Variants in CCDC150 observed in about 807,000 individuals in gnomAD.
The protein encoded by CCDC150 is coiled-coil domain containing 150, also known as coiled-coil domain-containing protein 150.
CCDC150 carries 151 observed loss-of-function variants against 156.5 expected under a neutral mutation model. That is an observed-to-expected ratio of 0.97 (90% confidence interval 0.85 to 1.10). The LOEUF (loss-of-function observed/expected upper bound fraction) is 1.10, where lower values mean the gene tolerates loss of function less well. Ranked by LOEUF, CCDC150 falls within the 50% of genes least tolerant of loss-of-function variation. CCDC150 has a pLI of 0.00. For missense variants in CCDC150, 1,312 were observed against 1,268.1 expected (o/e 1.03, Z -0.53); for synonymous variants, 452 against 429.4 (o/e 1.05, Z -0.65).
At position 196,726,356 on chromosome 2, in the gene CCDC150, G is replaced by C. The variant is rs972678949; in HGVS notation, c.2556+257G>C. 2.8e-5 allele frequency: 9 copies of C among 323,410 alleles called. No individual in the cohort carries two copies. The Admixed American group carries it at 3.1e-4, about 11-fold the overall frequency. 20.0% of individuals were successfully genotyped at this position (323,410 alleles called of 1,614,324 possible). On this transcript the variant is annotated intron_variant, in intron 22 of 27. Transcript: ENST00000389175. ...TAAGCAAGAGGGATAGAGGAATAAG[G>C]AGACTGCCATTTGATAGACAGAAGA... is the stretch of plus-strand genomic sequence containing the variant.
At chr2:196,653,968 G>A (rs1364423815) in intron 2 of CCDC150, among the ~76,000 whole-genome samples, 1 of 152,214 alleles carries the variant, frequency 6.6e-6, no homozygotes, top group Non-Finnish European at 1.5e-5. Context: ...GGCAAAGGGG[G>A]AGCAGGTGAA....
chr2:196,640,079 C>T (rs965550176), intron 1 of CCDC150, among the ~76,000 whole-genome samples: 4 of 152,170 alleles, frequency 2.6e-5, no homozygotes, highest in Non-Finnish European at 5.9e-5. Flanking sequence ...TAATAGGTTC[C>T]TGGGAAGGCT....
Position 196,712,686 on chromosome 2 carries a change from G to C in CCDC150, c.1813G>C (p.Glu605Gln). Residue 605 changes from glutamate to glutamine, a missense_variant, in exon 17 of 28, where the codon GAA becomes CAA. By Grantham distance (29) the Glu-to-Gln change is conservative. Transcript: ENST00000389175. The part of the protein sequence containing the change: ...LQTKYAQANS[E>Q]LSAKRVHLQQ... ...GTTTTTTGAATTAAAGGCAAACTCA[G>C]AACTCAGTGCCAAGAGGGTACACCT... 6.2e-7 allele frequency: 1 copy of C among 1,609,978 alleles called. No individual in the cohort carries two copies. The highest frequency in any genetic ancestry group is 8.5e-7 in the Non-Finnish European group (1 of 1,178,014).
intron 21 of CCDC150, among the ~76,000 whole-genome samples, chr2:196,722,173 T>G (rs767245789): frequency 6.6e-6 from 1 of 152,226 alleles, no homozygotes; most frequent in Non-Finnish European, 1.5e-5. Flanking sequence ...TGACTAAAGT[T>G]TTGCCTTAAA....
chr2:196,640,473 A>G (rs1278719620), intron 1 of CCDC150, among the ~76,000 whole-genome samples: 1 of 152,194 alleles, frequency 6.6e-6, no homozygotes, highest in Non-Finnish European at 1.5e-5. Flanking sequence ...TGAGCTCTTC[A>G]GAAATTAGTC....
intron 10 of CCDC150, 89 bp from the exon 11 acceptor site, chr2:196,676,054 G>T (rs1053471651): frequency 7.2e-6 from 9 of 1,254,580 alleles, no homozygotes; most frequent in Admixed American, 6.3e-5. Context: ...TTTTAAGTTA[G>T]TTCAGTGTTT....
At chr2:196,711,137 C>CTA (rs978403853) in intron 15 of CCDC150, among the ~76,000 whole-genome samples, 2 of 152,110 alleles carry the variant, frequency 1.3e-5, no homozygotes, top group Non-Finnish European at 2.9e-5. Flanking sequence ...TCTTGTTGAA[C>CTA]TATAGCATAT....
chr2:196,665,324 C>T (rs1178699263), intron 5 of CCDC150, among the ~76,000 whole-genome samples: 1 of 152,042 alleles, frequency 6.6e-6, no homozygotes, highest in Non-Finnish European at 1.5e-5. Context: ...TGGATTTTGA[C>T]CTCCAGTTTA....
chr2:196,729,356 C>T lies in CCDC150; in HGVS notation c.2720C>T (p.Ala907Val), dbSNP rs1158478062. Reference sequence around the variant, plus strand: ...ATTAAGCTCCACTTGTCAGCTAAGGCGAATAATGCTCAGAATATAGAAAGG... The same window carrying T: ...ATTAAGCTCCACTTGTCAGCTAAGGTGAATAATGCTCAGAATATAGAAAGG... ...TQIKLHLSAK[A>V]NNAQNIERMK... Residue 907 changes from alanine (A) to valine (V), a missense_variant, in exon 23 of 28, where the codon GCG becomes GTG. Ala to Val is a moderately conservative substitution (Grantham distance 64, BLOSUM62 0). Transcript: ENST00000389175. 8.1e-6 allele frequency: 13 copies of T among 1,613,690 alleles called. No homozygotes were observed. Among genetic ancestry groups the T allele is most frequent in the Admixed American group, 3.3e-5 (2 of 60,000 alleles).
intron 17 of CCDC150, among the ~76,000 whole-genome samples, 194 bp downstream of exon 17, chr2:196,712,933 CTCATA>C (rs1436181066): frequency 6.6e-5 from 10 of 152,178 alleles, no homozygotes; most frequent in African/African-American, 2.4e-4. Flanking sequence ...AAATTTAGCA[CTCATA>C]TCATTAGGTT....
intron 2 of CCDC150, among the ~76,000 whole-genome samples, chr2:196,648,693 A>C (rs1692688331): frequency 6.6e-6 from 1 of 152,124 alleles, no homozygotes; most frequent in South Asian, 2.1e-4. Context: ...TGGGAGTCAT[A>C]TCCAAGAAAT....
At chr2:196,732,366 CAT>C (rs1323352479) in intron 27 of CCDC150, 78 bp from the exon 28 acceptor site, 11 of 1,175,904 alleles carry the variant, frequency 9.4e-6, no homozygotes, top group East Asian at 2.3e-5. Context: ...GAATAGATGA[CAT>C]GTGTAGAGGC....
intron 17 of CCDC150, among the ~76,000 whole-genome samples, chr2:196,716,846 C>CTTTTT (rs775962426): frequency 9.4e-5 from 7 of 74,368 alleles, no homozygotes; most frequent in African/African-American, 1.1e-4. Context: ...AAATAACATT[C>CTTTTT]TTTTTTTTTT....
At chr2:196,664,231 A>G (rs567391058) in intron 5 of CCDC150, among the ~76,000 whole-genome samples, 9 of 152,294 alleles carry the variant, frequency 5.9e-5, no homozygotes, top group Non-Finnish European at 1.2e-4. Flanking sequence ...CACTGACACT[A>G]TCTACCTGAA....
chr2:196,686,846 T>A (rs887187584), intron 13 of CCDC150, among the ~76,000 whole-genome samples: 1 of 152,166 alleles, frequency 6.6e-6, no homozygotes, highest in Non-Finnish European at 1.5e-5. Context: ...CTCCCACTTA[T>A]AAGAGAACAT....
In CCDC150 at chr2:196,730,844, G is replaced by A. The variant is rs1441643719; in HGVS notation, c.2983-15G>A. The A allele has an allele frequency of 1.3e-6, 2 of 1,566,486 alleles. No individual in the cohort carries two copies. The highest frequency in any genetic ancestry group is 2.3e-5 in the East Asian group (1 of 43,166). ...ATGTTGGAAGTTTATAAAAATCTTT[G>A]TATCACATTTTCAGGAATTGGAAGA... On this transcript the variant is annotated splice_polypyrimidine_tract_variant and intron_variant, in intron 25 of 27. Transcript: ENST00000389175.
At chr2:196,698,238 G>T (rs1695949695) in intron 14 of CCDC150, among the ~76,000 whole-genome samples, 2 of 152,026 alleles carry the variant, frequency 1.3e-5, no homozygotes, top group Admixed American at 1.3e-4. Flanking sequence ...TAGCAACTTG[G>T]AACAATTATT....
intron 4 of CCDC150, among the ~76,000 whole-genome samples, chr2:196,657,888 G>A (rs574914236): frequency 2.6e-5 from 4 of 152,180 alleles, no homozygotes; most frequent in African/African-American, 7.2e-5. Flanking sequence ...GTTGTTACCC[G>A]GGTTTGAACC....
At chr2:196,666,614 T>C in intron 6 of CCDC150, 105 bp from the exon 7 acceptor site, 1 of 958,714 alleles carries the variant, frequency 1.0e-6, no homozygotes, top group Non-Finnish European at 1.5e-6. Flanking sequence ...TCTTGTTGCT[T>C]CTCAGTGACA....
Sources: allele counts gnomAD v4.1 joint callset (sites outside exome capture counted in the v4.1 genomes callset), GRCh38; gene constraint gnomAD v4.1.1; transcripts MANE v1.5; gene names NCBI Gene and HGNC (gene_info 2026-07-23, HGNC 2026-07-21).